BBX: variants seen among roughly 807,000 people sequenced by gnomAD.
The protein encoded by BBX is BBX high mobility group box domain containing.
Under a neutral mutation model 100.2 loss-of-function variants are expected in BBX, and 30 were observed. The observed-to-expected ratio is 0.30, with a 90% CI of 0.22 to 0.41. The LOEUF (loss-of-function observed/expected upper bound fraction) is 0.41. Among genes scored for constraint, BBX ranks in the 10% least tolerant of loss-of-function variants. The pLI is 1.00. For synonymous variants in BBX, 376 were observed against 388.1 expected (o/e 0.97, Z 0.37); for missense variants, 1,023 against 1,129.8 (o/e 0.91, Z 1.35).
chr3:107,651,671 A>G (rs2057846772), intron 3 of BBX, among the ~76,000 whole-genome samples: 2 of 149,996 alleles, frequency 1.3e-5, no homozygotes, highest in Non-Finnish European at 3.0e-5. Context: ...TGGTAAACAG[A>G]AAAAAAAAAG....
Position 107,808,291 on chromosome 3 carries a change from CTTTG to C in BBX, c.*2838_*2841del, listed in dbSNP as rs2071158942. ...CAAACCAAAATATGATGCTCTTCTG[CTTTG>C]TTTTATTCTAAATTGTTGTATCATA... On this transcript the variant is annotated 3_prime_UTR_variant, in exon 18 of 18. Transcript: ENST00000325805. The C allele has an allele frequency of 6.6e-6, 1 of 152,130 alleles. No homozygotes were observed. Among genetic ancestry groups the C allele is most frequent in the Non-Finnish European group, 1.5e-5 (1 of 68,010 alleles). The allele number at this position is 152,130 out of a possible 1,614,324, so 9.4% of individuals were successfully genotyped here. A position where few individuals can be genotyped will look rare whatever the true frequency, so the allele number is the denominator to read the frequency against.
At chr3:107,790,094 T>C (rs142477881) in intron 14 of BBX, among the ~76,000 whole-genome samples, 2 of 152,290 alleles carry the variant, frequency 1.3e-5, no homozygotes, top group African/African-American at 4.8e-5. Context: ...TTTGTCTCTA[T>C]TTTCAGAGCC....
chr3:107,767,497 TTTC>T (rs2066491971), intron 10 of BBX, among the ~76,000 whole-genome samples: 5 of 152,136 alleles, frequency 3.3e-5, no homozygotes, highest in Admixed American at 3.3e-4. Flanking sequence ...GCAAATTGGG[TTTC>T]AACCTCACTT....
At chr3:107,708,375 C>A (rs2061509318) in intron 3 of BBX, among the ~76,000 whole-genome samples, 1 of 152,072 alleles carries the variant, frequency 6.6e-6, no homozygotes, top group South Asian at 2.1e-4. Context: ...CTGGACATAG[C>A]TTTTAATAAA....
At chr3:107,564,379 G>A (rs1339510274) in intron 2 of BBX, among the ~76,000 whole-genome samples, 1 of 151,902 alleles carries the variant, frequency 6.6e-6, no homozygotes, top group Non-Finnish European at 1.5e-5. Flanking sequence ...ATGTCTCATG[G>A]GGATGTTGAC....
intron 3 of BBX, 118 bp from the exon 4 acceptor site, chr3:107,710,334 C>G: frequency 1.3e-6 from 1 of 746,836 alleles, no homozygotes; most frequent in South Asian, 2.5e-5. Context: ...AAATTATAAT[C>G]TAATTAATCC....
chr3:107,704,344 G>A (rs374412897), intron 3 of BBX, among the ~76,000 whole-genome samples: 4 of 152,272 alleles, frequency 2.6e-5, no homozygotes, highest in South Asian at 2.1e-4. Context: ...AGTAGGCTCC[G>A]TGCTAGGCAC....
chr3:107,741,311 G>A (rs2064087837), intron 7 of BBX, among the ~76,000 whole-genome samples: 1 of 152,044 alleles, frequency 6.6e-6, no homozygotes, highest in African/African-American at 2.4e-5. Flanking sequence ...TTCACTATGT[G>A]AATTGCTCCT....
chr3:107,751,636 A>G (rs531985358), intron 9 of BBX, among the ~76,000 whole-genome samples: 13 of 152,314 alleles, frequency 8.5e-5, no homozygotes, highest in East Asian at 1.9e-4. Flanking sequence ...AAATTAATCT[A>G]TGTGGAGCCA....
intron 3 of BBX, among the ~76,000 whole-genome samples, chr3:107,679,868 A>T (rs1386471575): frequency 6.6e-6 from 1 of 152,168 alleles, no homozygotes; most frequent in Non-Finnish European, 1.5e-5. Flanking sequence ...ATGAGTTTTA[A>T]TTTATTATGT....
intron 3 of BBX, among the ~76,000 whole-genome samples, chr3:107,700,236 A>G (rs1448955936): frequency 1.3e-5 from 2 of 151,712 alleles, no homozygotes; most frequent in Non-Finnish European, 1.5e-5. Context: ...GGAGGGAAAC[A>G]TATAGATTGG....
intron 4 of BBX, among the ~76,000 whole-genome samples, chr3:107,714,558 T>G (rs2061968894): frequency 6.6e-6 from 1 of 151,978 alleles, no homozygotes; most frequent in Non-Finnish European, 1.5e-5. Context: ...CACTTTTTAG[T>G]TTTTTTTAGC....
chr3:107,774,762 G>T lies in BBX; in HGVS notation c.1959G>T (p.Gly653=), dbSNP rs112931812. The T allele has an allele frequency of 6.2e-7, 1 of 1,613,452 alleles. No homozygotes were observed. Among genetic ancestry groups the T allele is most frequent in the African/African-American group, 1.3e-5 (1 of 74,886 alleles). Residue 653 remains glycine, a synonymous_variant, in exon 12 of 18, where the codon GGG becomes GGT. Coordinates refer to ENST00000325805, the MANE Select transcript of BBX (RefSeq NM_001142568.3). ...AAGGAAACTCCTCTGATCATGAAGG[G>T]TGTTGGAATGAAGAAAGCTGGACAT... ...SGKGNSSDHE[G]CWNEESWTFS...
intron 2 of BBX, among the ~76,000 whole-genome samples, chr3:107,555,114 T>A (rs1299246910): frequency 6.6e-6 from 1 of 152,128 alleles, no homozygotes; most frequent in Non-Finnish European, 1.5e-5. Flanking sequence ...ATACATATGT[T>A]TCTACTTTAT....
intron 3 of BBX, among the ~76,000 whole-genome samples, chr3:107,697,153 G>T (rs1371019221): frequency 6.6e-6 from 1 of 151,568 alleles, no homozygotes; most frequent in Non-Finnish European, 1.5e-5. Context: ...ATGTCCTCCC[G>T]TAGCTCGGAG....
At chr3:107,758,133 T>C (rs1222841572) in intron 10 of BBX, among the ~76,000 whole-genome samples, 3 of 152,234 alleles carry the variant, frequency 2.0e-5, no homozygotes, top group African/African-American at 2.4e-5. Context: ...TTAATTCTCA[T>C]TCTTTATCTA....
At chr3:107,658,760 G>A (rs1487764542) in intron 3 of BBX, among the ~76,000 whole-genome samples, 2 of 152,012 alleles carry the variant, frequency 1.3e-5, no homozygotes, top group Non-Finnish European at 2.9e-5. Context: ...TGTCTTCACA[G>A]TGAGCCTTAA....
chr3:107,629,901 A>T (rs1030202405), intron 2 of BBX, among the ~76,000 whole-genome samples: 14 of 152,146 alleles, frequency 9.2e-5, no homozygotes, highest in Admixed American at 9.2e-4. Context: ...AGATCCATTC[A>T]AATATGTGGC....
At position 107,724,201 on chromosome 3, in the gene BBX, A is replaced by G. The variant is rs558392263; in HGVS notation, c.406-4564A>G. 8.5e-5 allele frequency among the ~76,000 whole-genome samples: 13 copies of G among 152,212 alleles called. No homozygotes were observed. The South Asian group carries it at 2.5e-3, about 29-fold the overall frequency. On this transcript the variant is annotated intron_variant, in intron 5 of 17. Coordinates refer to ENST00000325805, the MANE Select transcript of BBX (RefSeq NM_001142568.3). The stretch of plus-strand genomic sequence containing the variant: ...TTTTCATGTGTCTGTTGGCTGCATA[A>G]ATGTCTTCTTTTGAGAAGTGTCTGT...
Sources: gnomAD v4.1 joint callset for allele counts (sites outside exome capture counted in the v4.1 genomes callset) on GRCh38, gnomAD v4.1.1 for gene constraint, MANE v1.5 for transcripts, NCBI Gene and HGNC (gene_info 2026-07-23, HGNC 2026-07-21) for gene names.